Variants in STPG2 observed in about 807,000 individuals in gnomAD.
The protein encoded by STPG2 is sperm tail PG-rich repeat containing 2, also known as sperm-tail PG-rich repeat-containing protein 2.
A neutral mutation model predicts 54.2 loss-of-function variants in STPG2; 56 were observed. The observed-to-expected ratio is 1.03, with a 90% CI of 0.83 to 1.29. The LOEUF is 1.29. STPG2 is among the 50% of genes most tolerant of loss of function. The pLI is 0.00. For missense variants in STPG2, 596 were observed against 544.9 expected (o/e 1.09, Z -0.93); for synonymous variants, 200 against 181.8 (o/e 1.10, Z -0.81).
At chr4:97,824,008 A>G (rs1728175665) in intron 9 of STPG2, among the ~76,000 whole-genome samples, 1 of 152,128 alleles carries the variant, frequency 6.6e-6, no homozygotes, top group African/African-American at 2.4e-5. Context: ...GCACTATGGG[A>G]TATTAATTGC....
At chr4:97,590,334 T>C (rs1038660769) in intron 10 of STPG2, among the ~76,000 whole-genome samples, 2 of 151,998 alleles carry the variant, frequency 1.3e-5, no homozygotes, top group African/African-American at 4.8e-5. Flanking sequence ...AGCAATCATC[T>C]GTGTCTCGGT....
At chr4:97,537,851 A>T (rs1731575800) in intron 4 of STPG2, among the ~76,000 whole-genome samples, 1 of 152,170 alleles carries the variant, frequency 6.6e-6, no homozygotes, top group South Asian at 2.1e-4. Context: ...TGAAACCTCC[A>T]GAGGAACGAT....
intron 8 of STPG2, among the ~76,000 whole-genome samples, chr4:97,937,007 G>A (rs1371222585): frequency 6.6e-6 from 1 of 151,930 alleles, no homozygotes; most frequent in African/African-American, 2.4e-5. Context: ...TCTCTTTCAA[G>A]TACTCCAATC....
At chr4:97,608,460 C>T (rs1733649038) in intron 10 of STPG2, among the ~76,000 whole-genome samples, 2 of 152,018 alleles carry the variant, frequency 1.3e-5, no homozygotes, top group South Asian at 2.1e-4. Flanking sequence ...ACATTTGCTG[C>T]TGTGCACGTG....
At chr4:97,567,174 G>C (rs1364003601) in intron 10 of STPG2, among the ~76,000 whole-genome samples, 1 of 149,768 alleles carries the variant, frequency 6.7e-6, no homozygotes, top group African/African-American at 2.5e-5. Flanking sequence ...CTTACTTTAA[G>C]GTAGTCATAG....
At chr4:97,887,993 T>C (rs1028714009) in intron 8 of STPG2, among the ~76,000 whole-genome samples, 4 of 152,298 alleles carry the variant, frequency 2.6e-5, no homozygotes, top group East Asian at 1.9e-4. Context: ...TCATAAGCCT[T>C]AGCAGCTTCC....
At chr4:97,750,167 C>T (rs941890492) in intron 9 of STPG2, among the ~76,000 whole-genome samples, 3 of 151,722 alleles carry the variant, frequency 2.0e-5, no homozygotes, top group Non-Finnish European at 4.4e-5. Context: ...GGGATTTTTT[C>T]TGCCAACCTG....
chr4:97,635,329 T>C (rs1458621195), intron 10 of STPG2, among the ~76,000 whole-genome samples: 1 of 151,920 alleles, frequency 6.6e-6, no homozygotes, highest in African/African-American at 2.4e-5. Flanking sequence ...CTAAAAGAGC[T>C]CCTGAAGGAA....
intron 6 of STPG2, among the ~76,000 whole-genome samples, chr4:97,978,884 A>G (rs971947940): frequency 1.3e-5 from 2 of 152,150 alleles, no homozygotes; most frequent in Admixed American, 6.5e-5. Context: ...GTAATCCCTC[A>G]TAGAACTTCT....
Position 97,460,660 on chromosome 4 carries a change from A to C in STPG2, c.462+252039T>G, listed in dbSNP as rs532297482. ...AAAATTGCACAAGTATAATTTAATG[A>C]ATTTTCAAAAAATGAACACTGCTGT... On this transcript the variant is annotated intron_variant, in intron 4 of 4. Coordinates refer to the STPG2 transcript ENST00000522676. Among the ~76,000 whole-genome samples, 5 of 152,304 alleles carry C rather than the reference A, an allele frequency of 3.3e-5. No homozygotes were observed. The South Asian group carries it at 1.0e-3, about 32-fold the overall frequency.
chr4:97,944,594 A>G (rs1041302214), intron 7 of STPG2, among the ~76,000 whole-genome samples: 2 of 152,116 alleles, frequency 1.3e-5, no homozygotes, highest in African/African-American at 4.8e-5. Context: ...TCATTTAATT[A>G]AATAGAATAA....
At chr4:97,983,556 T>C (rs1734741478) in intron 5 of STPG2, among the ~76,000 whole-genome samples, 2 of 152,192 alleles carry the variant, frequency 1.3e-5, no homozygotes, top group Admixed American at 1.3e-4. Context: ...GGGCCCTTCA[T>C]ATTGTTTCCT....
intron 9 of STPG2, among the ~76,000 whole-genome samples, chr4:97,785,254 A>G (rs1726789102): frequency 6.6e-6 from 1 of 152,068 alleles, no homozygotes; most frequent in South Asian, 2.1e-4. Context: ...CTAGAAGTAT[A>G]TATACCCTAG....
chr4:98,026,082 T>C, intron 5 of STPG2: 1 of 1,237,944 alleles, frequency 8.1e-7, no homozygotes, highest in Non-Finnish European at 1.2e-6. Context: ...ACTCCAGACA[T>C]GATGGAGATG....
At chr4:97,552,720 G>C (rs975663243) in intron 4 of STPG2, among the ~76,000 whole-genome samples, 1 of 151,892 alleles carries the variant, frequency 6.6e-6, no homozygotes, top group Non-Finnish European at 1.5e-5. Context: ...ACTTTTGATG[G>C]CAAACTCTAA....
chr4:97,667,945 C>T (rs1722577635), intron 10 of STPG2, among the ~76,000 whole-genome samples: 1 of 151,938 alleles, frequency 6.6e-6, no homozygotes, highest in African/African-American at 2.4e-5. Context: ...TCTATTTGTC[C>T]CTCAGTAGAG....
rs545494580 is a variant in STPG2, at chr4:98,022,239, C to G, written c.613-40921G>C. ...TGGTGACAAAATCTCTCAGCATTTG[C>G]TTGTCTGTAAAGTATTTTATTTCTC... is the stretch of plus-strand genomic sequence containing the variant. On this transcript the variant is annotated intron_variant, in intron 5 of 10. Transcript: ENST00000295268. Among the ~76,000 whole-genome samples the G allele has an allele frequency of 1.2e-4, 19 of 152,030 alleles. No individual in the cohort carries two copies. The East Asian group carries it at 3.7e-3, about 29-fold the overall frequency.
chr4:97,681,705 A>G (rs1401129349), intron 10 of STPG2, among the ~76,000 whole-genome samples: 1 of 151,806 alleles, frequency 6.6e-6, no homozygotes, highest in Non-Finnish European at 1.5e-5. Flanking sequence ...TATGTGTTAA[A>G]ATAGCATTAT....
rs1381036603 is a variant in STPG2 at position 97,981,239 on chromosome 4, T to G, written c.692A>C (p.Lys231Thr). Reference sequence around the variant, plus strand: ...TGGAATATTTTTCAGTCCTGATGTTTTCTTCAAAGACTTGAGAGCAGTTCG... The same window carrying G: ...TGGAATATTTTTCAGTCCTGATGTTGTCTTCAAAGACTTGAGAGCAGTTCG... ...EPRTALKSLK[K>T]TSGLKNIPFG... The change falls in exon 6 of 11, where the codon AAA becomes ACA. Residue 231 changes from lysine (K) to threonine (T), a missense_variant. By Grantham distance (78) the Lys-to-Thr change is moderately conservative. Coordinates refer to ENST00000295268, the MANE Select transcript of STPG2 (RefSeq NM_174952.3). The G allele has an allele frequency of 5.6e-6, 9 of 1,614,040 alleles. No individual in the cohort carries two copies. The highest frequency in any genetic ancestry group is 7.6e-6 in the Non-Finnish European group (9 of 1,179,962).
Sources: allele counts gnomAD v4.1 joint callset (sites outside exome capture counted in the v4.1 genomes callset), GRCh38; gene constraint gnomAD v4.1.1; transcripts MANE v1.5; gene names NCBI Gene and HGNC (gene_info 2026-07-23, HGNC 2026-07-21).